ACAP1: variants seen among roughly 807,000 people sequenced by gnomAD.
ACAP1 encodes arf-GAP with coiled-coil, ANK repeat and PH domain-containing protein 1.
Under a neutral mutation model 98.8 loss-of-function variants are expected in ACAP1, and 45 were observed. That is an observed-to-expected ratio of 0.46 (90% CI 0.36 to 0.58). ACAP1 has a LOEUF of 0.58. Among genes scored for constraint, ACAP1 ranks in the 20% least tolerant of loss-of-function variants. The pLI, the probability that ACAP1 is intolerant of heterozygous loss-of-function variation, is 0.00. For missense variants in ACAP1, 735 were observed against 971.4 expected (o/e 0.76, Z 3.24); for synonymous variants, 362 against 375.3 (o/e 0.96, Z 0.41).
At position 7,343,626 on chromosome 17, in the gene ACAP1, G is replaced by T; in HGVS notation, c.528+64G>T. The T allele has an allele frequency of 4.4e-6, 7 of 1,595,196 alleles. No homozygotes were observed. Among genetic ancestry groups the T allele is most frequent in the Non-Finnish European group, 6.0e-6 (7 of 1,168,176 alleles). On this transcript the variant is annotated intron_variant, in intron 6 of 21. Transcript: ENST00000158762. This position sits in a 1 kb window ranked among gnomAD's most constrained non-coding sequence, Gnocchi z 4.9. ...TCAAGTGTCACCTCGAGGCTTGGGG[G>T]TCTCCAGTGTGCAGTGGGAAGGGGT...
intron 2 of ACAP1, among the ~76,000 whole-genome samples, chr17:7,339,907 A>G (rs561032160): frequency 6.6e-6 from 1 of 151,938 alleles, no homozygotes; most frequent in Admixed American, 6.6e-5. Flanking sequence ...AATGTTCCAT[A>G]TATAGAATCA....
chr17:7,351,144 C>A, intron 21 of ACAP1, 145 bp downstream of exon 21: 3 of 1,115,296 alleles, frequency 2.7e-6, no homozygotes, highest in South Asian at 1.4e-5. Flanking sequence ...GTGCCAGGCC[C>A]TGGCAAGGCA....
chr17:7,342,471 A>G lies in ACAP1; in HGVS notation c.341A>G (p.Lys114Arg), dbSNP rs759855054. Residue 114 changes from lysine to arginine, a missense_variant, in exon 5 of 22, where the codon AAG becomes AGG. By Grantham distance (26) the Lys-to-Arg change is conservative (BLOSUM62 2). Coordinates refer to ENST00000158762, the MANE Select transcript of ACAP1 (RefSeq NM_014716.4). ...CAGCAGCAGATCCAGACCCTGGTCA[A>G]GGAGTGAGATGGGGCCGGGCGCAGT... ...TLQQQIQTLV[K>R]EGLRGFREAR... 4.3e-6 allele frequency: 7 copies of G among 1,614,124 alleles called. No homozygotes were observed. The highest frequency in any genetic ancestry group is 5.1e-6 in the Non-Finnish European group (6 of 1,180,004).
chr17:7,344,455 G>T lies in ACAP1; in HGVS notation c.745-84G>T. The T allele has an allele frequency of 2.0e-6, 2 of 978,990 alleles. No homozygotes were observed. The highest frequency in any genetic ancestry group is 3.1e-6 in the Non-Finnish European group (2 of 642,248). The allele number at this position is 978,990 out of a possible 1,614,324, so 60.6% of individuals were successfully genotyped here. A position where few individuals can be genotyped will look rare whatever the true frequency, so the allele number is the denominator to read the frequency against. ...GTATTTCAAAAAGCAGAAAGTAAGG[G>T]CTAGGGCTGTGGGCAGGAGGCAGAT... On this transcript the variant is annotated intron_variant, in intron 9 of 21. Transcript: ENST00000158762. This position sits in a 1 kb window ranked among gnomAD's most constrained non-coding sequence, Gnocchi z 4.9.
Position 7,349,107 on chromosome 17 carries a change from T to C in ACAP1, c.1791T>C (p.Asp597=). The change falls in exon 18 of 22, where the codon GAT becomes GAC. Residue 597 remains aspartate, a synonymous_variant. Transcript: ENST00000158762. ...CTGATGCCCTTGCCCATGGAGCTGA[T>C]GTCAACTGGGTCAATGGGGGCCAAG... The part of the protein sequence containing the change: ...TMADALAHGA[D]VNWVNGGQDN... 6.2e-7 allele frequency: 1 copy of C among 1,614,048 alleles called. No individual in the cohort carries two copies. The highest frequency in any genetic ancestry group is 8.5e-7 in the Non-Finnish European group (1 of 1,179,988).
chr17:7,346,954 A>G, intron 13 of ACAP1, 23 bp downstream of exon 13: 1 of 1,599,124 alleles, frequency 6.3e-7, no homozygotes, highest in Non-Finnish European at 8.6e-7. Context: ...GGGGGTGCGG[A>G]GCCAGGCTGC....
chr17:7,343,786 G>A lies in ACAP1; in HGVS notation c.573+36G>A, dbSNP rs920263183. On this transcript the variant is annotated intron_variant, in intron 7 of 21. Coordinates refer to ENST00000158762, the MANE Select transcript of ACAP1 (RefSeq NM_014716.4). This position sits in a 1 kb window ranked among gnomAD's most constrained non-coding sequence, Gnocchi z 4.9. ...GCGGGGGTGAGGGCAGGGTGGAGAA[G>A]AGCCTGCTGCCAGCACAAGGGAATG... 2.5e-6 allele frequency: 4 copies of A among 1,612,856 alleles called. No individual in the cohort carries two copies. The highest frequency in any genetic ancestry group is 1.3e-5 in the African/African-American group (1 of 74,902).
rs2073398771 is a variant in ACAP1, at chr17:7,350,726, A to C, written c.2073-224A>C. On this transcript the variant is annotated intron_variant, in intron 20 of 21. Coordinates refer to ENST00000158762, the MANE Select transcript of ACAP1 (RefSeq NM_014716.4). This position sits in a 1 kb window ranked among gnomAD's most constrained non-coding sequence, Gnocchi z 4.6. Reference sequence around the variant, plus strand: ...CGGGTTCAAGCGATTCTCCTGTCTCAGCCTCCCCTGAGTAGCTGGGACTAC... The same window carrying C: ...CGGGTTCAAGCGATTCTCCTGTCTCCGCCTCCCCTGAGTAGCTGGGACTAC... The C allele has an allele frequency of 2.0e-6, 1 of 507,412 alleles. No homozygotes were observed. Among genetic ancestry groups the C allele is most frequent in the South Asian group, 2.1e-5 (1 of 48,294 alleles). 31.4% of individuals were successfully genotyped at this position (507,412 alleles called of 1,614,324 possible).
In ACAP1 at chr17:7,343,625, G is replaced by A. The variant is rs1465562591; in HGVS notation, c.528+63G>A. Reference sequence around the variant, plus strand: ...CTCAAGTGTCACCTCGAGGCTTGGGGGTCTCCAGTGTGCAGTGGGAAGGGG... The same window carrying A: ...CTCAAGTGTCACCTCGAGGCTTGGGAGTCTCCAGTGTGCAGTGGGAAGGGG... On this transcript the variant is annotated intron_variant, in intron 6 of 21. Coordinates refer to ENST00000158762, the MANE Select transcript of ACAP1 (RefSeq NM_014716.4). This position sits in a 1 kb window ranked among gnomAD's most constrained non-coding sequence, Gnocchi z 4.9. The A allele has an allele frequency of 1.3e-6, 2 of 1,595,046 alleles. No individual in the cohort carries two copies. Among genetic ancestry groups the A allele is most frequent in the East Asian group, 2.2e-5 (1 of 44,658 alleles).
At chr17:7,338,166 C>T (rs1008638115) in intron 2 of ACAP1, among the ~76,000 whole-genome samples, 1 of 152,168 alleles carries the variant, frequency 6.6e-6, no homozygotes. Context: ...TTCTCTATTG[C>T]TGTGTAACAA....
chr17:7,345,772 C>T (rs150504907), intron 10 of ACAP1: 262 of 164,180 alleles, frequency 1.6e-3, no homozygotes, highest in Middle Eastern at 6.1e-3. Flanking sequence ...CCTGCCTCAG[C>T]CTCCCAAGTA....
At chr17:7,346,595 T>C in intron 12 of ACAP1, 104 bp downstream of exon 12, 1 of 1,237,988 alleles carries the variant, frequency 8.1e-7, no homozygotes, top group Non-Finnish European at 1.1e-6. Context: ...CTCCAGACTT[T>C]AATTTAATTC....
At position 7,343,643 on chromosome 17, in the gene ACAP1, G is replaced by C; in HGVS notation, c.529-63G>C. 6.3e-7 allele frequency: 1 copy of C among 1,598,992 alleles called. No homozygotes were observed. The highest frequency in any genetic ancestry group is 1.1e-5 in the South Asian group (1 of 88,952). ...GCTTGGGGGTCTCCAGTGTGCAGTG[G>C]GAAGGGGTGCTGTGTCTTCAAGACT... On this transcript the variant is annotated intron_variant, in intron 6 of 21. Transcript: ENST00000158762. The surrounding 1 kb of genome is among the most constrained non-coding windows in gnomAD (Gnocchi z 4.9).
intron 2 of ACAP1, among the ~76,000 whole-genome samples, chr17:7,340,152 G>GTC (rs2073262095): frequency 6.6e-6 from 1 of 151,980 alleles, no homozygotes; most frequent in Non-Finnish European, 1.5e-5. Flanking sequence ...TGTGCCTGTA[G>GTC]TCTCAGCTAC....
At position 7,350,851 on chromosome 17, in the gene ACAP1, C is replaced by T. The variant is rs2073400653; in HGVS notation, c.2073-99C>T. ...GGTCTCGATCTCCTGACCTCGTGAT[C>T]CGCCTGCCTCGGCCTCCCAAAGTGT... On this transcript the variant is annotated intron_variant, in intron 20 of 21. Coordinates refer to ENST00000158762, the MANE Select transcript of ACAP1 (RefSeq NM_014716.4). The surrounding 1 kb of genome is among the most constrained non-coding windows in gnomAD (Gnocchi z 4.6). 1 of 1,178,016 alleles carries T rather than the reference C, an allele frequency of 8.5e-7. No individual in the cohort carries two copies. The highest frequency in any genetic ancestry group is 1.5e-5 in the African/African-American group (1 of 66,200). The allele number at this position is 1,178,016 out of a possible 1,614,324, so 73.0% of individuals were successfully genotyped here.
chr17:7,351,225 C>A, intron 21 of ACAP1, 70 bp from the exon 22 acceptor site: 1 of 1,362,302 alleles, frequency 7.3e-7, no homozygotes, highest in Non-Finnish European at 1.0e-6. Flanking sequence ...CCCAGGTGGG[C>A]CCCAACCGCC....
chr17:7,349,728 A>G, intron 18 of ACAP1: 1 of 484,978 alleles, frequency 2.1e-6, no homozygotes, highest in Non-Finnish European at 3.6e-6. Flanking sequence ...GTAAAATAGT[A>G]ACATACCTCA....
At chr17:7,341,055 C>T (rs1395701609) in intron 2 of ACAP1, among the ~76,000 whole-genome samples, 1 of 152,120 alleles carries the variant, frequency 6.6e-6, no homozygotes, top group Non-Finnish European at 1.5e-5. Context: ...CCTCTTGGCC[C>T]TGACCCGTGG....
chr17:7,348,034 TG>T, intron 15 of ACAP1, 43 bp downstream of exon 15: 1 of 1,612,090 alleles, frequency 6.2e-7, no homozygotes, highest in Non-Finnish European at 8.5e-7. Context: ...GAACTTGGGG[TG>T]GGGCAAGGAC....
Sources: allele counts gnomAD v4.1 joint callset (sites outside exome capture counted in the v4.1 genomes callset), GRCh38; gene constraint gnomAD v4.1.1; non-coding constraint Gnocchi (gnomAD v3.1); transcripts MANE v1.5; gene names NCBI Gene and HGNC (gene_info 2026-07-23, HGNC 2026-07-21).